Variants in SEL1L3 observed in about 807,000 individuals in gnomAD.
SEL1L3 encodes the protein SEL1L family member 3, also known as protein sel-1 homolog 3.
Under a neutral mutation model 142.8 loss-of-function variants are expected in SEL1L3, and 76 were observed. The observed-to-expected ratio is 0.53, with a 90% CI of 0.44 to 0.64. SEL1L3 has a LOEUF of 0.64. SEL1L3 is among the 30% of genes least tolerant of loss of function. SEL1L3 has a pLI of 0.00. For synonymous variants in SEL1L3, 504 were observed against 519.6 expected (o/e 0.97, Z 0.41); for missense variants, 1,262 against 1,381.7 (o/e 0.91, Z 1.37).
intron 9 of SEL1L3, among the ~76,000 whole-genome samples, chr4:25,811,928 T>C (rs1448388590): frequency 1.3e-5 from 2 of 152,212 alleles, no homozygotes; most frequent in Non-Finnish European, 2.9e-5. Context: ...AATAGAAAGA[T>C]AACATATGGA....
intron 11 of SEL1L3, among the ~76,000 whole-genome samples, chr4:25,791,305 A>G (rs1024991989): frequency 2.0e-5 from 3 of 152,236 alleles, no homozygotes; most frequent in Admixed American, 2.0e-4. Context: ...TGAGGATGCA[A>G]GAAAGAATAT....
chr4:25,813,790 T>C (rs1312030425), intron 9 of SEL1L3, among the ~76,000 whole-genome samples: 1 of 152,208 alleles, frequency 6.6e-6, no homozygotes, highest in Non-Finnish European at 1.5e-5. Flanking sequence ...AAGTCTCTTT[T>C]GTAATAGAAT....
At chr4:25,837,723 G>C (rs957072225) in intron 2 of SEL1L3, among the ~76,000 whole-genome samples, 1 of 152,002 alleles carries the variant, frequency 6.6e-6, no homozygotes, top group Non-Finnish European at 1.5e-5. Flanking sequence ...ATTAATTTTG[G>C]AGCAGGAGAA....
intron 5 of SEL1L3, among the ~76,000 whole-genome samples, chr4:25,831,322 T>C (rs1347229483): frequency 6.6e-6 from 1 of 151,764 alleles, no homozygotes; most frequent in Admixed American, 6.6e-5. Flanking sequence ...TCAAACTAGT[T>C]TGTCTGCTAA....
Position 25,788,134 on chromosome 4 carries a change from C to G in SEL1L3, c.2217+90G>C, listed in dbSNP as rs540653820. 3 of 1,291,094 alleles carry G rather than the reference C, an allele frequency of 2.3e-6. No individual in the cohort carries two copies. The highest frequency in any genetic ancestry group is 1.5e-5 in the African/African-American group (1 of 68,050). 80.0% of individuals were successfully genotyped at this position (1,291,094 alleles called of 1,614,324 possible). On this transcript the variant is annotated intron_variant, in intron 13 of 23. Coordinates refer to ENST00000399878, the MANE Select transcript of SEL1L3 (RefSeq NM_015187.5). The surrounding 1 kb of genome is among the most constrained non-coding windows in gnomAD (Gnocchi z 5.3). ...GCATATACTAAATTTCTTCAGTTAT[C>G]GACTCCCTGTTTGCCAGCCCGCCCA...
chr4:25,844,210 A>G (rs1325052858), intron 2 of SEL1L3, among the ~76,000 whole-genome samples: 3 of 152,200 alleles, frequency 2.0e-5, no homozygotes, highest in Non-Finnish European at 4.4e-5. Flanking sequence ...AGAACAAACC[A>G]GAGGCTTGGC....
chr4:25,749,004 C>A (rs1356997904), intron 23 of SEL1L3, among the ~76,000 whole-genome samples: 3 of 152,102 alleles, frequency 2.0e-5, no homozygotes, highest in Non-Finnish European at 4.4e-5. Flanking sequence ...GTCATTAAAG[C>A]CACTACTCTG....
intron 3 of SEL1L3, among the ~76,000 whole-genome samples, chr4:25,834,959 C>T (rs747341197): frequency 2.0e-5 from 3 of 152,264 alleles, no homozygotes; most frequent in Middle Eastern, 3.4e-3. Context: ...GCTGTCTACT[C>T]GTTGTCATGT....
chr4:25,766,040 C>T (rs927216992), intron 19 of SEL1L3, among the ~76,000 whole-genome samples: 3 of 152,182 alleles, frequency 2.0e-5, no homozygotes, highest in Non-Finnish European at 4.4e-5. Context: ...GGGTGTTTTA[C>T]TTCACATCTG....
rs1257078145 is a variant in SEL1L3, at chr4:25,822,142, T to C, written c.1158-14A>G. 2 of 1,613,830 alleles carry C rather than the reference T, an allele frequency of 1.2e-6. No homozygotes were observed. The highest frequency in any genetic ancestry group is 3.3e-5 in the Admixed American group (2 of 60,014). On this transcript the variant is annotated splice_polypyrimidine_tract_variant and intron_variant, in intron 6 of 23. Coordinates refer to ENST00000399878, the MANE Select transcript of SEL1L3 (RefSeq NM_015187.5). ...TCCTCCCGGAAGCTAGAGAAGAGAA[T>C]GAAGGATTAAGAGAGCTCCATGCCG...
At chr4:25,769,986 G>A (rs1004057723) in intron 17 of SEL1L3, among the ~76,000 whole-genome samples, 7 of 151,984 alleles carry the variant, frequency 4.6e-5, no homozygotes, top group South Asian at 2.1e-4. Flanking sequence ...AAATTAGCTC[G>A]GCATGGTGGT....
chr4:25,718,384 A>G, the SEL1L3 span: 1 of 152,294 alleles, frequency 6.6e-6, no homozygotes, highest in East Asian at 1.9e-4. Flanking sequence ...AGAAGAGGCT[A>G]TTAGTGGGAG....
the SEL1L3 span, among the ~76,000 whole-genome samples, chr4:25,731,703 T>G: frequency 6.6e-6 from 1 of 152,166 alleles, no homozygotes; most frequent in Non-Finnish European, 1.5e-5. Flanking sequence ...ATTGTATGAA[T>G]ATACCATAAT....
the SEL1L3 span, among the ~76,000 whole-genome samples, chr4:25,726,059 C>T: frequency 2.6e-5 from 4 of 152,036 alleles, no homozygotes; most frequent in African/African-American, 9.7e-5. Flanking sequence ...CTCATTTTAC[C>T]TTGCCCCTAT....
the SEL1L3 span, among the ~76,000 whole-genome samples, chr4:25,740,711 A>G: frequency 6.6e-6 from 1 of 152,058 alleles, no homozygotes; most frequent in Admixed American, 6.6e-5. Flanking sequence ...TCACCTGTTT[A>G]CTCTGCCACC....
intron 23 of SEL1L3, among the ~76,000 whole-genome samples, chr4:25,752,052 T>C (rs1717628354): frequency 1.4e-5 from 2 of 142,072 alleles, no homozygotes; most frequent in Admixed American, 7.5e-5. Context: ...GAGGTTGCAG[T>C]GAGCCGAGAT....
At chr4:25,803,576 T>C (rs1713337848) in intron 10 of SEL1L3, among the ~76,000 whole-genome samples, 1 of 152,230 alleles carries the variant, frequency 6.6e-6, no homozygotes, top group Admixed American at 6.5e-5. Context: ...TTTCTGGATG[T>C]GTCTGTGAGA....
chr4:25,775,358 C>T (rs754852644), intron 17 of SEL1L3, among the ~76,000 whole-genome samples: 24 of 152,142 alleles, frequency 1.6e-4, no homozygotes, highest in South Asian at 2.1e-4. Context: ...CTGTTGGTTG[C>T]GTGTGCAGCC....
At chr4:25,757,836 T>C (rs1399147718) in intron 21 of SEL1L3, 46 bp from the exon 22 acceptor site, 1 of 1,405,226 alleles carries the variant, frequency 7.1e-7, no homozygotes, top group Admixed American at 2.0e-5. Context: ...CCAACTTTGG[T>C]GGCACGACTC....
Sources: allele counts gnomAD v4.1 joint callset (sites outside exome capture counted in the v4.1 genomes callset), GRCh38; gene constraint gnomAD v4.1.1; non-coding constraint Gnocchi (gnomAD v3.1); transcripts MANE v1.5; gene names NCBI Gene and HGNC (gene_info 2026-07-23, HGNC 2026-07-21).